DCAF6: variants seen among roughly 807,000 people sequenced by gnomAD.
DCAF6 encodes the protein DDB1 and CUL4 associated factor 6.
In DCAF6, 54 loss-of-function variants were observed where a neutral mutation model predicts 125.1. That is an observed-to-expected ratio of 0.43 (90% CI 0.35 to 0.54). The LOEUF (loss-of-function observed/expected upper bound fraction) is 0.54. DCAF6 is among the 20% of genes least tolerant of loss of function. DCAF6 has a pLI of 0.01. For synonymous variants in DCAF6, 371 were observed against 390.4 expected (o/e 0.95, Z 0.58); for missense variants, 934 against 1,161.7 (o/e 0.80, Z 2.85).
chr1:167,864,714 T>TA, the DCAF6 span, among the ~76,000 whole-genome samples: 1 of 152,184 alleles, frequency 6.6e-6, no homozygotes, highest in Non-Finnish European at 1.5e-5. Flanking sequence ...ATTTAAAACC[T>TA]AAAATTGATA....
the DCAF6 span, among the ~76,000 whole-genome samples, chr1:167,884,417 C>T: frequency 6.6e-6 from 1 of 152,158 alleles, no homozygotes; most frequent in East Asian, 1.9e-4. Flanking sequence ...TAATCCACCC[C>T]TATGATCCAA....
At chr1:167,887,804 C>T in the DCAF6 span, among the ~76,000 whole-genome samples, 1 of 150,784 alleles carries the variant, frequency 6.6e-6, no homozygotes, top group African/African-American at 2.4e-5. Flanking sequence ...TTGATGTTAT[C>T]CCATCTGTCC....
the DCAF6 span, among the ~76,000 whole-genome samples, chr1:167,902,913 C>T: frequency 3.3e-5 from 5 of 152,198 alleles, no homozygotes; most frequent in African/African-American, 1.2e-4. Context: ...ACTCATACAA[C>T]AATCTCTTAA....
chr1:167,993,067 A>C (rs1681099815), intron 6 of DCAF6, among the ~76,000 whole-genome samples, 159 bp from the exon 7 acceptor site: 1 of 152,222 alleles, frequency 6.6e-6, no homozygotes, highest in African/African-American at 2.4e-5. Flanking sequence ...TTGTTACAAA[A>C]TCTGACTGCA....
At chr1:167,925,468 TATATATAC>T in the DCAF6 span, among the ~76,000 whole-genome samples, 2,360 of 115,962 alleles carry the variant, frequency 0.02, 152 homozygotes, top group Admixed American at 0.12. Flanking sequence ...TATATATATA[TATATATAC>T]ATATACATAT....
Position 168,045,212 on chromosome 1 carries a change from C to T in DCAF6, c.2243C>T (p.Ala748Val), listed in dbSNP as rs1689015199. ...PVLIPGARYRAGPGDRFNIRG... is the reference protein window; with the variant it reads ...PVLIPGARYRVGPGDRFNIRG... ...CTGATCCCAGGTGCAAGGTATCGAG[C>T]AGGACCTGGTGATAGGTTGGTAAAT... is the stretch of plus-strand genomic sequence containing the variant. Residue 748 changes from alanine (A) to valine (V), a missense_variant, in exon 16 of 22, where the codon GCA becomes GTA. Around this residue, in one of 5 missense-constraint regions of DCAF6, gnomAD observed 559 missense variants for 635.5 expected, o/e 0.88. Coordinates refer to ENST00000367840, the MANE Select transcript of DCAF6 (RefSeq NM_001198956.2). 6.2e-7 allele frequency: 1 copy of T among 1,606,566 alleles called. No homozygotes were observed. The highest frequency in any genetic ancestry group is 1.3e-5 in the African/African-American group (1 of 74,486).
intron 21 of DCAF6, among the ~76,000 whole-genome samples, chr1:168,072,301 AAAAAAAAAAAAAAAAAAAAAAAAAG>A (rs1693182659): frequency 7.4e-6 from 1 of 134,856 alleles, no homozygotes; most frequent in African/African-American, 3.2e-5. Flanking sequence ...GTCTAAAAAA[AAAAAAAAAAAAAAAAAAAAAAAAAG>A]AAAAGAAAAG....
Position 168,008,862 on chromosome 1 carries a change from C to T in DCAF6, c.1378+4069C>T, listed in dbSNP as rs1214909650. On this transcript the variant is annotated intron_variant, in intron 10 of 21. Coordinates refer to ENST00000367840, the MANE Select transcript of DCAF6 (RefSeq NM_001198956.2). Reference sequence around the variant, plus strand: ...TGCCCTGCCCTCCCCCGCCCCACCCCGCCTCCACCCTGCCCCCACCCCCTC... The same window carrying T: ...TGCCCTGCCCTCCCCCGCCCCACCCTGCCTCCACCCTGCCCCCACCCCCTC... Among the ~76,000 whole-genome samples the T allele has an allele frequency of 1.0e-4, 14 of 139,176 alleles. No individual in the cohort carries two copies. In the East Asian group the frequency reaches 2.1e-3, roughly 21 times the overall value. 91.3% of individuals were successfully genotyped at this position (139,176 alleles called of 152,430 possible). A position where few individuals can be genotyped will look rare whatever the true frequency, so the allele number is the denominator to read the frequency against.
chr1:167,975,899 A>T (rs1678077027), intron 4 of DCAF6, among the ~76,000 whole-genome samples: 1 of 152,132 alleles, frequency 6.6e-6, no homozygotes, highest in Non-Finnish European at 1.5e-5. Flanking sequence ...TTTGTATCAA[A>T]TTATTGATAG....
chr1:168,052,688 CA>C (rs569732356), intron 17 of DCAF6, among the ~76,000 whole-genome samples: 12 of 152,318 alleles, frequency 7.9e-5, no homozygotes, highest in African/African-American at 2.9e-4. Flanking sequence ...GACTGTCTTA[CA>C]ATGGGGAATG....
intron 12 of DCAF6, among the ~76,000 whole-genome samples, chr1:168,024,794 A>G (rs1387848764): frequency 1.4e-5 from 2 of 145,320 alleles, no homozygotes; most frequent in African/African-American, 5.2e-5. Flanking sequence ...GCAGAGTGAG[A>G]CTCTGTATCC....
chr1:167,904,846 C>G, the DCAF6 span: 1 of 1,022,578 alleles, frequency 9.8e-7, no homozygotes, highest in Non-Finnish European at 1.5e-6. Context: ...CTATTTCCTC[C>G]CTCTTGTGTT....
intron 8 of DCAF6, among the ~76,000 whole-genome samples, chr1:168,003,215 C>G (rs999778680): frequency 6.6e-6 from 1 of 151,912 alleles, no homozygotes; most frequent in South Asian, 2.1e-4. Flanking sequence ...GTAAGAAGAA[C>G]CGATTTTCAT....
At chr1:167,904,741 T>C in the DCAF6 span, 6 of 614,636 alleles carry the variant, frequency 9.8e-6, no homozygotes, top group Non-Finnish European at 1.7e-5. Context: ...GGGGCAGAGA[T>C]ACTGGAGCAA....
rs1691876921 is a variant in DCAF6 at position 168,063,525 on chromosome 1, T to C, written c.2301-96T>C. 32 of 1,074,428 alleles carry C rather than the reference T, an allele frequency of 3.0e-5. No individual in the cohort carries two copies. The South Asian group carries it at 6.8e-4, about 23-fold the overall frequency. The allele number at this position is 1,074,428 out of a possible 1,614,324, so 66.6% of individuals were successfully genotyped here. A position where few individuals can be genotyped will look rare whatever the true frequency, so the allele number is the denominator to read the frequency against. On this transcript the variant is annotated intron_variant, in intron 17 of 21. Coordinates refer to ENST00000367840, the MANE Select transcript of DCAF6 (RefSeq NM_001198956.2). ...GTGCCTTATTGAGATAGTGTGTTTA[T>C]GTATTTCCTAGACTTACTATATTTT...
intron 21 of DCAF6, 100 bp downstream of exon 21, chr1:168,068,563 C>A: frequency 1.8e-6 from 1 of 559,764 alleles, no homozygotes; most frequent in Non-Finnish European, 2.7e-6. Context: ...TTTTTAATAT[C>A]ACAAAATGAG....
chr1:167,992,526 A>G (rs767952068), intron 6 of DCAF6, among the ~76,000 whole-genome samples: 3 of 152,218 alleles, frequency 2.0e-5, no homozygotes, highest in African/African-American at 4.8e-5. Flanking sequence ...AAACAGTAAT[A>G]TAATATGAAA....
the DCAF6 span, among the ~76,000 whole-genome samples, chr1:167,864,453 T>TAACCTGTAAGCCAAGGC: frequency 2.6e-5 from 4 of 152,212 alleles, no homozygotes; most frequent in East Asian, 7.7e-4. Context: ...TGGCACAAGG[T>TAACCTGTAAGCCAAGGC]AACCTGTAAG....
intron 4 of DCAF6, among the ~76,000 whole-genome samples, chr1:167,975,564 A>G (rs957008863): frequency 1.3e-5 from 2 of 152,196 alleles, no homozygotes; most frequent in Admixed American, 6.5e-5. Context: ...TCTTTTATTT[A>G]TGATACAGGG....
Sources: gnomAD v4.1 joint callset for allele counts (sites outside exome capture counted in the v4.1 genomes callset) on GRCh38, gnomAD v4.1.1 for gene constraint, gnomAD v4.1.1 regional missense constraint, MANE v1.5 for transcripts, NCBI Gene and HGNC (gene_info 2026-07-23, HGNC 2026-07-21) for gene names.